Variants in PGPEP1L observed in about 807,000 individuals in gnomAD.
PGPEP1L encodes the protein pyroglutamyl-peptidase I like.
In PGPEP1L, 7 loss-of-function variants were observed where a neutral mutation model predicts 6.0. The observed-to-expected ratio is 1.17, with a 90% CI of 0.66 to 2.19. The LOEUF (loss-of-function observed/expected upper bound fraction) is 2.19, where lower values mean the gene tolerates loss of function less well. PGPEP1L is among the 30% of genes most tolerant of loss of function. The pLI, the probability that PGPEP1L is intolerant of heterozygous loss-of-function variation, is 0.00. For synonymous variants in PGPEP1L, 103 were observed against 83.9 expected, an observed-to-expected ratio of 1.23 and a Z score of -1.24; for missense variants, 209 against 192.5, an observed-to-expected ratio of 1.09 and a Z score of -0.51.
At chr15:98,975,615 T>G (rs1441122271) in intron 2 of PGPEP1L, among the ~76,000 whole-genome samples, 3 of 152,214 alleles carry the variant, frequency 2.0e-5, no homozygotes, top group Non-Finnish European at 4.4e-5. Context: ...GCATGGTCGC[T>G]CACGCCTGTA....
At chr15:98,982,270 C>T (rs1328793410) in intron 2 of PGPEP1L, among the ~76,000 whole-genome samples, 3 of 152,198 alleles carry the variant, frequency 2.0e-5, no homozygotes, top group Admixed American at 2.0e-4. Flanking sequence ...CCCTGGAGTG[C>T]GGCCCCTTGT....
intron 2 of PGPEP1L, among the ~76,000 whole-genome samples, chr15:98,983,099 C>T (rs932171448): frequency 6.6e-6 from 1 of 151,406 alleles, no homozygotes; most frequent in Non-Finnish European, 1.5e-5. Flanking sequence ...TTTGTATTCA[C>T]CTAGGTTGGA....
At chr15:99,003,515 A>AT (rs1384570760) in intron 2 of PGPEP1L, among the ~76,000 whole-genome samples, 24 of 152,188 alleles carry the variant, frequency 1.6e-4, no homozygotes, top group Non-Finnish European at 3.2e-4. Context: ...TCTTGTGGTT[A>AT]TCGTTGGTGC....
At chr15:99,007,067 C>A (rs2018081702) in intron 1 of PGPEP1L, among the ~76,000 whole-genome samples, 1 of 152,120 alleles carries the variant, frequency 6.6e-6, no homozygotes, top group African/African-American at 2.4e-5. Flanking sequence ...TTAGACCCCC[C>A]TTGGTGGCTT....
intron 2 of PGPEP1L, among the ~76,000 whole-genome samples, chr15:98,977,531 T>G (rs936589058): frequency 6.6e-6 from 1 of 152,254 alleles, no homozygotes; most frequent in Non-Finnish European, 1.5e-5. Flanking sequence ...AAATCCACTG[T>G]GGCCAGAGAA....
intron 2 of PGPEP1L, among the ~76,000 whole-genome samples, chr15:98,982,824 C>T (rs999234996): frequency 4.7e-5 from 7 of 149,688 alleles, no homozygotes; most frequent in Non-Finnish European, 8.9e-5. Context: ...AATTCTCATC[C>T]CTTAGCCTCC....
At chr15:98,975,678 T>A (rs1442340727) in intron 2 of PGPEP1L, among the ~76,000 whole-genome samples, 1 of 152,090 alleles carries the variant, frequency 6.6e-6, no homozygotes, top group Non-Finnish European at 1.5e-5. Context: ...GTCAGGAGTT[T>A]GAGACCAGCC....
intron 2 of PGPEP1L, among the ~76,000 whole-genome samples, chr15:99,000,706 C>T (rs1425335022): frequency 6.6e-6 from 1 of 152,076 alleles, no homozygotes; most frequent in African/African-American, 2.4e-5. Flanking sequence ...GTGTCTAACT[C>T]AGGGATTATA....
intron 3 of PGPEP1L, among the ~76,000 whole-genome samples, chr15:98,970,141 C>T (rs920447399): frequency 2.6e-5 from 4 of 152,132 alleles, no homozygotes; most frequent in African/African-American, 4.8e-5. Flanking sequence ...CTCTGCCTCC[C>T]GGGTTCAAGT....
intron 2 of PGPEP1L, among the ~76,000 whole-genome samples, chr15:98,994,601 A>C (rs1021566205): frequency 2.6e-5 from 4 of 152,174 alleles, no homozygotes; most frequent in Non-Finnish European, 4.4e-5. Context: ...AAGAAAAAAA[A>C]ATGGAGCTAT....
At chr15:98,971,728 A>T (rs1567234281) in intron 2 of PGPEP1L, among the ~76,000 whole-genome samples, 1 of 152,246 alleles carries the variant, frequency 6.6e-6, no homozygotes, top group Non-Finnish European at 1.5e-5. Flanking sequence ...ACTCACTGGC[A>T]CAAGTAAGAA....
intron 2 of PGPEP1L, among the ~76,000 whole-genome samples, chr15:98,989,836 TAAAGA>T (rs1412078710): frequency 5.3e-5 from 8 of 152,114 alleles, no homozygotes; most frequent in Non-Finnish European, 1.2e-4. Flanking sequence ...TCAACATTCT[TAAAGA>T]AAAGAATTTT....
intron 2 of PGPEP1L, among the ~76,000 whole-genome samples, chr15:98,982,319 A>G (rs971002398): frequency 6.6e-6 from 1 of 152,090 alleles, no homozygotes; most frequent in Non-Finnish European, 1.5e-5. Flanking sequence ...GCTCTTTGCC[A>G]TGGACTCACA....
intron 2 of PGPEP1L, among the ~76,000 whole-genome samples, chr15:98,995,654 C>T (rs2017877544): frequency 6.6e-6 from 1 of 152,190 alleles, no homozygotes; most frequent in South Asian, 2.1e-4. Context: ...CAAGATGGCA[C>T]CACTGCACTC....
rs541799035 is a variant in PGPEP1L at position 98,971,998 on chromosome 15, C to T, written c.-141-840G>A. On this transcript the variant is annotated intron_variant, in intron 2 of 4. Transcript: ENST00000535714. ...TTAAAAATAACTTATTATAACTATC[C>T]AATTTTTTTATAAGCCTCATGGTAA... Among the ~76,000 whole-genome samples the T allele has an allele frequency of 8.5e-5, 13 of 152,240 alleles. No homozygotes were observed. The South Asian group carries it at 2.5e-3, about 29-fold the overall frequency.
chr15:98,968,665 A>G lies in PGPEP1L; in HGVS notation c.242T>C (p.Leu81Pro). 6.3e-7 allele frequency: 1 copy of G among 1,584,694 alleles called. No homozygotes were observed. The change falls in exon 5 of 5, where the codon CTG (leucine) becomes CCG (proline). Residue 81 changes from leucine to proline, a missense_variant. Coordinates refer to ENST00000535714, the MANE Select transcript of PGPEP1L (RefSeq NM_001167902.2). ...TGCCGCGCAGCCCTTTCCATGATGC[A>G]GAGACAGGTAATAGGTATAATCACA... is the stretch of plus-strand genomic sequence containing the variant. Reference protein sequence around the residue: ...YVCDYTYYLSLHHGKGCAALI... With the variant: ...YVCDYTYYLSPHHGKGCAALI...
At chr15:98,977,003 C>CAA (rs11385185) in intron 2 of PGPEP1L, among the ~76,000 whole-genome samples, 65 of 128,944 alleles carry the variant, frequency 5.0e-4, no homozygotes, top group African/African-American at 1.7e-3. Context: ...AGTAAAATGG[C>CAA]AAAAAAAAAA....
chr15:98,987,205 T>G (rs2017760483), intron 2 of PGPEP1L, among the ~76,000 whole-genome samples: 1 of 133,598 alleles, frequency 7.5e-6, no homozygotes, highest in African/African-American at 3.1e-5. Flanking sequence ...AGAGAGCCAA[T>G]TTAATTTTTG....
intron 2 of PGPEP1L, among the ~76,000 whole-genome samples, chr15:98,988,470 A>G (rs2017777821): frequency 6.6e-6 from 1 of 152,158 alleles, no homozygotes; most frequent in African/African-American, 2.4e-5. Context: ...GGCATCTCTG[A>G]AAAAAAGGCA....
Sources: allele counts gnomAD v4.1 joint callset (sites outside exome capture counted in the v4.1 genomes callset), GRCh38; gene constraint gnomAD v4.1.1; transcripts MANE v1.5; gene names NCBI Gene and HGNC (gene_info 2026-07-23, HGNC 2026-07-21).